The following PDAP1 variants were observed in gnomAD, a reference collection of about 807,000 sequenced individuals.
PDAP1 encodes the protein 28 kDa heat- and acid-stable phosphoprotein.
In PDAP1, 13 loss-of-function variants were observed where a neutral mutation model predicts 28.0. The ratio of observed to expected loss-of-function variants is 0.46; its 90% CI spans 0.30 to 0.74. The LOEUF (loss-of-function observed/expected upper bound fraction) is 0.74, where lower values mean the gene tolerates loss of function less well. Ranked by LOEUF, PDAP1 falls within the 30% of genes least tolerant of loss-of-function variation. The pLI, the probability that PDAP1 is intolerant of heterozygous loss-of-function variation, is 0.07. For missense variants in PDAP1, 150 were observed against 230.0 expected (o/e 0.65, Z 2.25); for synonymous variants, 77 against 85.1 (o/e 0.91, Z 0.52).
At position 99,400,548 on chromosome 7, in the gene PDAP1, T is replaced by C. The variant is rs546075172; in HGVS notation, c.214-124A>G. The C allele has an allele frequency of 2.0e-5, 22 of 1,076,356 alleles. No homozygotes were observed. The Admixed American group carries it at 2.2e-4, about 11-fold the overall frequency. 66.7% of individuals were successfully genotyped at this position (1,076,356 alleles called of 1,614,324 possible). The stretch of plus-strand genomic sequence containing the variant: ...AACTCCTGCTCCACCCCAGCCCACG[T>C]AGTGCTCAGCCCAAGTCTCACAGTG... On this transcript the variant is annotated intron_variant, in intron 3 of 5. Transcript: ENST00000350498.
At chr7:99,405,008 C>T in intron 1 of PDAP1, 55 bp from the exon 2 acceptor site, 2 of 1,320,654 alleles carry the variant, frequency 1.5e-6, no homozygotes, top group Non-Finnish European at 1.1e-6. Context: ...CTGCTCTGAC[C>T]CCCAGAGGGC....
rs777012472 is a variant in PDAP1 at position 99,398,040 on chromosome 7, G to A, written c.336-27C>T. ...TGTGTGGATAAAATGGTGTCATGGG[G>A]ACATCTTTCCTACCACTGTTTGCCA... On this transcript the variant is annotated intron_variant, in intron 4 of 5. Coordinates refer to ENST00000350498, the MANE Select transcript of PDAP1 (RefSeq NM_014891.7). The A allele has an allele frequency of 4.3e-6, 7 of 1,612,512 alleles. No homozygotes were observed. The South Asian group carries it at 7.7e-5, about 18-fold the overall frequency.
At chr7:99,408,274 A>T (rs1384235175) in intron 1 of PDAP1, among the ~76,000 whole-genome samples, 1 of 152,010 alleles carries the variant, frequency 6.6e-6, no homozygotes, top group Non-Finnish European at 1.5e-5. Flanking sequence ...GGAGAAGCGC[A>T]TCCTAGATCC....
intron 3 of PDAP1, 97 bp from the exon 4 acceptor site, chr7:99,400,521 C>A: frequency 7.1e-7 from 1 of 1,404,182 alleles, no homozygotes; most frequent in Non-Finnish European, 9.9e-7. Flanking sequence ...TGGATGAGGA[C>A]AAACTCCTGC....
rs1323265691 is a variant in PDAP1 at position 99,394,697 on chromosome 7, T to TAAAA, written c.*1984_*1985insTTTT. 3 of 1,228,206 alleles carry TAAAA rather than the reference T, an allele frequency of 2.4e-6. No individual in the cohort carries two copies. Among genetic ancestry groups the TAAAA allele is most frequent in the South Asian group, 5.4e-5 (2 of 37,330 alleles). 76.1% of individuals were successfully genotyped at this position (1,228,206 alleles called of 1,614,324 possible). A position where few individuals can be genotyped will look rare whatever the true frequency, so the allele number is the denominator to read the frequency against. On this transcript the variant is annotated 3_prime_UTR_variant, in exon 6 of 6. Coordinates refer to ENST00000350498, the MANE Select transcript of PDAP1 (RefSeq NM_014891.7). ...CTTTTTCTTAAATGCTTTCATTTATTGAAAAAAAAAAAAAATGCCCCCAAA... is the reference window on the plus strand; with the variant it reads ...CTTTTTCTTAAATGCTTTCATTTATTAAAAGAAAAAAAAAAAAAATGCCCCCAAA...
intron 2 of PDAP1, among the ~76,000 whole-genome samples, chr7:99,403,933 C>T (rs1794923969): frequency 6.6e-6 from 1 of 152,180 alleles, no homozygotes; most frequent in South Asian, 2.1e-4. Flanking sequence ...CCTCTCCGCA[C>T]TCCACTCCCA....
At chr7:99,405,620 C>T (rs781617743) in intron 1 of PDAP1, among the ~76,000 whole-genome samples, 4 of 152,078 alleles carry the variant, frequency 2.6e-5, no homozygotes, top group Non-Finnish European at 5.9e-5. Flanking sequence ...CCTCAGCCTC[C>T]CAAAGTGCTG....
At chr7:99,398,124 G>A (rs1794799894) in intron 4 of PDAP1, 111 bp from the exon 5 acceptor site, 1 of 1,263,450 alleles carries the variant, frequency 7.9e-7, no homozygotes, top group South Asian at 1.3e-5. Flanking sequence ...GGTGGAAGGG[G>A]TGCCCTGGCT....
chr7:99,402,887 AAAAAAAAAAG>A (rs1794901277), intron 3 of PDAP1, among the ~76,000 whole-genome samples: 4 of 131,442 alleles, frequency 3.0e-5, no homozygotes, highest in South Asian at 4.2e-4. Context: ...TCAAAAAAAA[AAAAAAAAAAG>A]AAAAGAAAAG....
intron 1 of PDAP1, chr7:99,406,594 C>T (rs1794976015): frequency 1.0e-6 from 1 of 985,374 alleles, no homozygotes; most frequent in South Asian, 4.7e-5. Flanking sequence ...CCAGGCTGAC[C>T]CTTGCTTAAG....
intron 1 of PDAP1, 113 bp from the exon 2 acceptor site, chr7:99,405,066 C>T: frequency 1.5e-6 from 1 of 688,148 alleles, no homozygotes. Context: ...CTACCCCTCA[C>T]CCAGCACCAC....
chr7:99,406,439 C>T (rs1794974104), intron 1 of PDAP1: 1 of 343,218 alleles, frequency 2.9e-6, no homozygotes, highest in Non-Finnish European at 4.1e-6. Flanking sequence ...AAACCCAAAC[C>T]TACAGGCAAA....
intron 3 of PDAP1, 112 bp downstream of exon 3, chr7:99,403,286 A>C: frequency 1.4e-6 from 1 of 690,376 alleles, no homozygotes; most frequent in South Asian, 1.7e-5. Context: ...TAAACCCTCA[A>C]GAGCAAGGAC....
At chr7:99,407,710 C>T (rs775687440) in intron 1 of PDAP1, among the ~76,000 whole-genome samples, 11 of 152,094 alleles carry the variant, frequency 7.2e-5, no homozygotes, top group Non-Finnish European at 1.5e-4. Context: ...TGTTCAGGGC[C>T]ACAGAATTAG....
At position 99,395,933 on chromosome 7, in the gene PDAP1, G is replaced by C. The variant is rs765328452; in HGVS notation, c.*749C>G. 2 of 152,890 alleles carry C rather than the reference G, an allele frequency of 1.3e-5. No homozygotes were observed. The highest frequency in any genetic ancestry group is 2.4e-5 in the African/African-American group (1 of 41,456). 9.5% of individuals were successfully genotyped at this position (152,890 alleles called of 1,614,324 possible). ...CTGAACGTGGCACCGTACCCAGCTGGGTAAAAACGGCTCGAGCACGGAAGC... is the reference window on the plus strand; with the variant it reads ...CTGAACGTGGCACCGTACCCAGCTGCGTAAAAACGGCTCGAGCACGGAAGC... On this transcript the variant is annotated 3_prime_UTR_variant, in exon 6 of 6. Coordinates refer to ENST00000350498, the MANE Select transcript of PDAP1 (RefSeq NM_014891.7).
intron 1 of PDAP1, among the ~76,000 whole-genome samples, chr7:99,407,747 G>A (rs564218485): frequency 6.6e-6 from 1 of 152,290 alleles, no homozygotes; most frequent in East Asian, 1.9e-4. Flanking sequence ...ATTCAAACTG[G>A]GGACTATCGA....
At chr7:99,406,452 CTT>C (rs1052731783) in intron 1 of PDAP1, 2 of 501,068 alleles carry the variant, frequency 4.0e-6, no homozygotes, top group African/African-American at 4.2e-5. Flanking sequence ...CAGGCAAAAA[CTT>C]TGTGCTTAGA....
chr7:99,394,942 G>A lies in PDAP1; in HGVS notation c.*1740C>T, dbSNP rs1239193753. On this transcript the variant is annotated 3_prime_UTR_variant, in exon 6 of 6. Coordinates refer to ENST00000350498, the MANE Select transcript of PDAP1 (RefSeq NM_014891.7). Reference sequence around the variant, plus strand: ...CCTCCCAAGTAGCTGGGACTCCAGGGAGAGATTGGTGTTTGCACGGCCATA... The same window carrying A: ...CCTCCCAAGTAGCTGGGACTCCAGGAAGAGATTGGTGTTTGCACGGCCATA... 5 of 638,836 alleles carry A rather than the reference G, an allele frequency of 7.8e-6. No individual in the cohort carries two copies. The highest frequency in any genetic ancestry group is 4.4e-5 in the East Asian group (1 of 22,728). The allele number at this position is 638,836 out of a possible 1,614,324, so 39.6% of individuals were successfully genotyped here. A position where few individuals can be genotyped will look rare whatever the true frequency, so the allele number is the denominator to read the frequency against.
chr7:99,403,191 C>A, intron 3 of PDAP1: 1 of 575,402 alleles, frequency 1.7e-6, no homozygotes, highest in Non-Finnish European at 3.1e-6. Flanking sequence ...CAAGTCCCCT[C>A]AATCACAGTC....
Sources: allele counts gnomAD v4.1 joint callset (sites outside exome capture counted in the v4.1 genomes callset), GRCh38; gene constraint gnomAD v4.1.1; transcripts MANE v1.5; gene names NCBI Gene and HGNC (gene_info 2026-07-23, HGNC 2026-07-21).